Variants in DLGAP2 observed in about 807,000 individuals in gnomAD.
DLGAP2 encodes disks large-associated protein 2.
DLGAP2 carries 26 observed loss-of-function variants against 100.3 expected under a neutral mutation model. The observed-to-expected ratio is 0.26, with a 90% CI of 0.19 to 0.36. DLGAP2 has a LOEUF of 0.36. Ranked by LOEUF, DLGAP2 falls within the 10% of genes least tolerant of loss-of-function variation. The probability of loss-of-function intolerance (pLI) is 1.00; values close to 1 mark genes in which losing one functional copy is unlikely to be tolerated. For missense variants in DLGAP2, 1,858 were observed against 1,453.2 expected (o/e 1.28, Z -4.53); for synonymous variants, 886 against 630.1 (o/e 1.41, Z -6.08).
At chr8:1,174,340 T>C (rs1171168240) in intron 2 of DLGAP2, among the ~76,000 whole-genome samples, 1 of 150,496 alleles carries the variant, frequency 6.6e-6, no homozygotes, top group African/African-American at 2.5e-5. Context: ...TCATTACCAT[T>C]ACCACCATCA....
At chr8:927,418 C>T (rs773250633) in intron 2 of DLGAP2, among the ~76,000 whole-genome samples, 8 of 152,220 alleles carry the variant, frequency 5.3e-5, no homozygotes, top group African/African-American at 1.4e-4. Flanking sequence ...CCTGAGCATA[C>T]GCGGCACACA....
chr8:862,998 A>G (rs1430150004), intron 1 of DLGAP2, among the ~76,000 whole-genome samples: 1 of 152,236 alleles, frequency 6.6e-6, no homozygotes, highest in Non-Finnish European at 1.5e-5. Context: ...CCAGAAATAC[A>G]GATATGAATA....
chr8:1,128,326 C>T (rs545228878), intron 2 of DLGAP2, among the ~76,000 whole-genome samples: 2 of 152,274 alleles, frequency 1.3e-5, no homozygotes, highest in South Asian at 2.1e-4. Context: ...CGGTGAGGAC[C>T]TGCCCCCGGT....
At chr8:1,209,559 A>G (rs570110200) in intron 2 of DLGAP2, among the ~76,000 whole-genome samples, 1 of 152,182 alleles carries the variant, frequency 6.6e-6, no homozygotes, top group Non-Finnish European at 1.5e-5. Context: ...CTACTCTAAT[A>G]AATTCCTATG....
intron 1 of DLGAP2, among the ~76,000 whole-genome samples, chr8:884,894 T>G (rs1265270712): frequency 6.6e-6 from 1 of 152,236 alleles, no homozygotes; most frequent in Non-Finnish European, 1.5e-5. Context: ...AGGAGATCCT[T>G]TCTCCATTAC....
At chr8:1,173,094 C>G (rs999798829) in intron 2 of DLGAP2, among the ~76,000 whole-genome samples, 3 of 152,178 alleles carry the variant, frequency 2.0e-5, no homozygotes, top group African/African-American at 7.2e-5. Flanking sequence ...AGTTTTCCTT[C>G]TAAGAGACAG....
intron 2 of DLGAP2, among the ~76,000 whole-genome samples, chr8:1,251,909 T>C (rs1799049092): frequency 2.0e-5 from 3 of 152,270 alleles, no homozygotes; most frequent in South Asian, 2.1e-4. Context: ...TATTGTGTTA[T>C]CACGTGGGCC....
At chr8:1,458,024 ATG>A (rs1798369937) in intron 3 of DLGAP2, among the ~76,000 whole-genome samples, 1 of 134,590 alleles carries the variant, frequency 7.4e-6, no homozygotes, top group African/African-American at 2.7e-5. Flanking sequence ...AATTTTTTAT[ATG>A]TGTGTATATA....
At chr8:835,540 G>T (rs1407192542) in intron 1 of DLGAP2, among the ~76,000 whole-genome samples, 11 of 150,988 alleles carry the variant, frequency 7.3e-5, no homozygotes, top group Non-Finnish European at 1.5e-5. Context: ...TGGCTTTGTA[G>T]TCCGTGGTCC....
At chr8:1,666,044 A>G (rs999856904) in intron 8 of DLGAP2, among the ~76,000 whole-genome samples, 2 of 152,196 alleles carry the variant, frequency 1.3e-5, no homozygotes, top group Non-Finnish European at 2.9e-5. Flanking sequence ...AGGTGAGATG[A>G]ATGTGCAGTC....
At chr8:983,598 G>C (rs1304529091) in intron 2 of DLGAP2, among the ~76,000 whole-genome samples, 2 of 152,164 alleles carry the variant, frequency 1.3e-5, no homozygotes, top group East Asian at 3.8e-4. Context: ...TGTTAATTGG[G>C]TGACTCTGAA....
At chr8:1,412,171 T>C (rs1796749968) in intron 3 of DLGAP2, among the ~76,000 whole-genome samples, 1 of 152,184 alleles carries the variant, frequency 6.6e-6, no homozygotes, top group African/African-American at 2.4e-5. Context: ...TCCAGTGCTA[T>C]GGCTCCCACT....
chr8:1,640,934 A>T (rs1394203686), intron 8 of DLGAP2, among the ~76,000 whole-genome samples: 2 of 152,220 alleles, frequency 1.3e-5, no homozygotes, highest in African/African-American at 4.8e-5. Flanking sequence ...CTATAGGATG[A>T]GTGGATGAAA....
At chr8:1,088,789 C>A (rs1356151277) in intron 2 of DLGAP2, among the ~76,000 whole-genome samples, 1 of 97,460 alleles carries the variant, frequency 1.0e-5, no homozygotes, top group Non-Finnish European at 2.1e-5. Flanking sequence ...GCAATTCTCA[C>A]TCCCCCCACC....
chr8:1,468,335 C>T (rs1163372267), intron 3 of DLGAP2, among the ~76,000 whole-genome samples: 1 of 151,490 alleles, frequency 6.6e-6, no homozygotes, highest in Non-Finnish European at 1.5e-5. Flanking sequence ...GTTCACACGG[C>T]GTGGATCTGG....
intron 4 of DLGAP2, among the ~76,000 whole-genome samples, chr8:1,521,818 C>T (rs1480601083): frequency 6.9e-6 from 1 of 144,406 alleles, no homozygotes; most frequent in Non-Finnish European, 1.5e-5. Flanking sequence ...CTGGTTTGCA[C>T]ACTTGTTTTA....
chr8:1,558,641 A>T lies in DLGAP2; in HGVS notation c.1231-7042A>T, dbSNP rs547933685. Among the ~76,000 whole-genome samples the T allele has an allele frequency of 5.9e-5, 9 of 151,728 alleles. No homozygotes were observed. In the South Asian group the frequency reaches 8.3e-4, roughly 14 times the overall value. The stretch of plus-strand genomic sequence containing the variant: ...ACACATACACATATGTGCACATTAC[A>T]CATACATAAACACACATATGCACAT... On this transcript the variant is annotated intron_variant, in intron 5 of 14. Coordinates refer to ENST00000637795, the MANE Select transcript of DLGAP2 (RefSeq NM_001346810.2).
intron 2 of DLGAP2, among the ~76,000 whole-genome samples, chr8:1,170,520 T>C (rs1797107069): frequency 6.6e-6 from 1 of 150,974 alleles, no homozygotes; most frequent in Admixed American, 6.6e-5. Flanking sequence ...TCCTGGACTC[T>C]TTTTGGTTGG....
chr8:1,178,852 T>C (rs887154985), intron 2 of DLGAP2, among the ~76,000 whole-genome samples: 2 of 152,118 alleles, frequency 1.3e-5, no homozygotes, highest in Non-Finnish European at 2.9e-5. Flanking sequence ...AGGGTGTGGG[T>C]GTGATTCAGC....
Sources: allele counts gnomAD v4.1 joint callset (sites outside exome capture counted in the v4.1 genomes callset), GRCh38; gene constraint gnomAD v4.1.1; transcripts MANE v1.5; gene names NCBI Gene and HGNC (gene_info 2026-07-23, HGNC 2026-07-21).